SDHAF3: variants seen among roughly 807,000 people sequenced by gnomAD.
The protein encoded by SDHAF3 is succinate dehydrogenase assembly factor 3, mitochondrial.
In SDHAF3, 18 loss-of-function variants were observed where a neutral mutation model predicts 11.5. The ratio of observed to expected loss-of-function variants is 1.56; its 90% CI spans 1.08 to 2.32. The LOEUF (loss-of-function observed/expected upper bound fraction) is 2.32. Among genes scored for constraint, SDHAF3 ranks in the 30% most tolerant of loss-of-function variants. SDHAF3 has a pLI of 0.00. For synonymous variants in SDHAF3, 72 were observed against 59.3 expected (o/e 1.21, Z -0.99); for missense variants, 200 against 154.4 (o/e 1.30, Z -1.57).
In SDHAF3 at chr7:97,181,732, A is replaced by G. The variant is rs866840854; in HGVS notation, c.*517A>G. The G allele has an allele frequency of 1.3e-5, 2 of 153,452 alleles. No individual in the cohort carries two copies. Among genetic ancestry groups the G allele is most frequent in the African/African-American group, 4.8e-5 (2 of 41,452 alleles). 9.5% of individuals were successfully genotyped at this position (153,452 alleles called of 1,614,324 possible). On this transcript the variant is annotated 3_prime_UTR_variant, in exon 2 of 2. Transcript: ENST00000432641. Reference sequence around the variant, plus strand: ...TTTAAAATTCACTATTTTACTATCAATCATTTGTATAATAAACTATACAAA... The same window carrying G: ...TTTAAAATTCACTATTTTACTATCAGTCATTTGTATAATAAACTATACAAA...
chr7:97,170,952 C>T (rs1448097309), intron 1 of SDHAF3, among the ~76,000 whole-genome samples: 1 of 152,152 alleles, frequency 6.6e-6, no homozygotes, highest in African/African-American at 2.4e-5. Flanking sequence ...CATAAAACCT[C>T]GTCAGAATGA....
At chr7:97,124,861 T>C (rs1031366482) in intron 1 of SDHAF3, among the ~76,000 whole-genome samples, 5 of 152,238 alleles carry the variant, frequency 3.3e-5, no homozygotes, top group African/African-American at 1.2e-4. Flanking sequence ...CCTGAGATTT[T>C]GCTGAAGTTG....
intron 1 of SDHAF3, among the ~76,000 whole-genome samples, chr7:97,139,786 CTTCT>C (rs1789001994): frequency 6.6e-6 from 1 of 152,164 alleles, no homozygotes. Flanking sequence ...TTAAGTCTTT[CTTCT>C]TTCTTATCCT....
intron 1 of SDHAF3, among the ~76,000 whole-genome samples, chr7:97,176,031 C>T (rs535686593): frequency 6.6e-6 from 1 of 152,316 alleles, no homozygotes; most frequent in South Asian, 2.1e-4. Flanking sequence ...TCACATTCTC[C>T]TCTGTATGCC....
intron 1 of SDHAF3, among the ~76,000 whole-genome samples, chr7:97,128,395 A>T (rs1289542204): frequency 1.3e-5 from 2 of 152,246 alleles, no homozygotes; most frequent in East Asian, 3.8e-4. Context: ...ATGATAAAGT[A>T]ACAAAGTAAA....
At position 97,181,216 on chromosome 7, in the gene SDHAF3, T is replaced by C. The variant is rs889833105; in HGVS notation, c.*1T>C. Reference sequence around the variant, plus strand: ...TGAGTCTATGAAACCAAAATTTTAGTCTATACAACAAAGCTTAATAAGACA... The same window carrying C: ...TGAGTCTATGAAACCAAAATTTTAGCCTATACAACAAAGCTTAATAAGACA... On this transcript the variant is annotated 3_prime_UTR_variant, in exon 2 of 2. Coordinates refer to ENST00000432641, the MANE Select transcript of SDHAF3 (RefSeq NM_020186.3). The C allele has an allele frequency of 6.2e-7, 1 of 1,609,708 alleles. No individual in the cohort carries two copies.
At chr7:97,161,973 G>T (rs1177817473) in intron 1 of SDHAF3, among the ~76,000 whole-genome samples, 1 of 152,122 alleles carries the variant, frequency 6.6e-6, no homozygotes, top group African/African-American at 2.4e-5. Context: ...TGAGTCAAAT[G>T]GTATTTCTAG....
chr7:97,155,025 T>G (rs539420433), intron 1 of SDHAF3, among the ~76,000 whole-genome samples: 208 of 152,354 alleles, frequency 1.4e-3, no homozygotes, highest in Middle Eastern at 6.8e-3. Flanking sequence ...GGCAATACAT[T>G]AATCCTTAAC....
intron 1 of SDHAF3, among the ~76,000 whole-genome samples, chr7:97,143,601 A>G (rs188270183): frequency 1.3e-5 from 2 of 152,148 alleles, no homozygotes; most frequent in East Asian, 3.9e-4. Context: ...GATAGTCTCC[A>G]GTCTCATCCA....
chr7:97,122,918 T>TTTTTTTTTAGTGCTGGAATTTTTCTTTTC (rs1791522917), intron 1 of SDHAF3, among the ~76,000 whole-genome samples: 1 of 51,958 alleles, frequency 1.9e-5, no homozygotes, highest in African/African-American at 9.1e-5. Context: ...TTTTCTTTTC[T>TTTTTTTTTAGTGCTGGAATTTTTCTTTTC]TTTTTTTTTT....
At chr7:97,132,983 T>C (rs1791693288) in intron 1 of SDHAF3, among the ~76,000 whole-genome samples, 1 of 152,202 alleles carries the variant, frequency 6.6e-6, no homozygotes, top group Admixed American at 6.5e-5. Context: ...CTGATTTATT[T>C]TTTCTGCTGC....
chr7:97,119,369 A>G (rs1791456634), intron 1 of SDHAF3, among the ~76,000 whole-genome samples: 2 of 152,170 alleles, frequency 1.3e-5, no homozygotes, highest in Non-Finnish European at 2.9e-5. Flanking sequence ...AATTGATAAT[A>G]GGTTGTAGGA....
At chr7:97,166,466 C>T (rs368377880) in intron 1 of SDHAF3, among the ~76,000 whole-genome samples, 9 of 152,026 alleles carry the variant, frequency 5.9e-5, no homozygotes, top group East Asian at 5.8e-4. Context: ...AGGGAGTGTC[C>T]GGGTTAAGAT....
intron 1 of SDHAF3, among the ~76,000 whole-genome samples, chr7:97,164,099 C>A (rs1253033246): frequency 6.6e-6 from 1 of 152,032 alleles, no homozygotes; most frequent in Non-Finnish European, 1.5e-5. Flanking sequence ...CACGTGCCAC[C>A]ATGCCTGGCT....
chr7:97,142,678 T>TAAA (rs1789070117), intron 1 of SDHAF3: 2 of 152,104 alleles, frequency 1.3e-5, no homozygotes, highest in African/African-American at 4.8e-5. Flanking sequence ...TATAGGGTTT[T>TAAA]AAGTGCCTAA....
intron 1 of SDHAF3, among the ~76,000 whole-genome samples, chr7:97,158,389 A>C: frequency 6.6e-6 from 1 of 152,126 alleles, no homozygotes; most frequent in African/African-American, 2.4e-5. Flanking sequence ...GTGCAGTGGC[A>C]CAATCTCGGC....
intron 1 of SDHAF3, among the ~76,000 whole-genome samples, chr7:97,149,543 G>A (rs953643924): frequency 1.3e-5 from 2 of 152,088 alleles, no homozygotes; most frequent in Non-Finnish European, 2.9e-5. Flanking sequence ...AGCCATGTGG[G>A]TTTTTTGGTT....
chr7:97,155,101 C>T (rs1789282689), intron 1 of SDHAF3, among the ~76,000 whole-genome samples: 1 of 152,146 alleles, frequency 6.6e-6, no homozygotes, highest in Non-Finnish European at 1.5e-5. Context: ...ATAATAGAAC[C>T]TTATTTTCCA....
At chr7:97,159,179 A>G (rs1484958806) in intron 1 of SDHAF3, among the ~76,000 whole-genome samples, 1 of 152,240 alleles carries the variant, frequency 6.6e-6, no homozygotes, top group Admixed American at 6.5e-5. Flanking sequence ...GTGGCTTAAT[A>G]TGATAAAAAT....
Sources: allele counts gnomAD v4.1 joint callset (sites outside exome capture counted in the v4.1 genomes callset), GRCh38; gene constraint gnomAD v4.1.1; transcripts MANE v1.5; gene names NCBI Gene and HGNC (gene_info 2026-07-23, HGNC 2026-07-21).